LOC400499: variants seen among roughly 807,000 people sequenced by gnomAD.
At chr16:11,522,212 C>T in the LOC400499 span, 2,951 of 398,006 alleles carry the variant, frequency 7.4e-3, 24 homozygotes, top group Middle Eastern at 0.015. Context: ...CTCTCTCTCT[C>T]CATCTGGGCC....
the LOC400499 span, among the ~76,000 whole-genome samples, chr16:11,391,108 C>T: frequency 6.6e-6 from 1 of 152,254 alleles, no homozygotes; most frequent in Non-Finnish European, 1.5e-5. Context: ...GTCACAGGAA[C>T]ACTCTGGCAC....
chr16:11,501,786 G>A, the LOC400499 span, among the ~76,000 whole-genome samples: 2 of 152,130 alleles, frequency 1.3e-5, no homozygotes, highest in Admixed American at 6.5e-5. Context: ...ATTCCAGCAA[G>A]AGGGTCCCTG....
At chr16:11,476,619 C>T in the LOC400499 span, 1 of 396,220 alleles carries the variant, frequency 2.5e-6, no homozygotes, top group African/African-American at 2.1e-5. Flanking sequence ...ATGCTAATGT[C>T]ACATCCACAC....
At chr16:11,390,330 A>G in the LOC400499 span, 1 of 1,232,724 alleles carries the variant, frequency 8.1e-7, no homozygotes. Context: ...TGGGCCTTGG[A>G]CCCCCTTTGC....
chr16:11,387,188 A>G, the LOC400499 span: 1 of 1,232,228 alleles, frequency 8.1e-7, no homozygotes, highest in Non-Finnish European at 1.0e-6. Flanking sequence ...CAGCTCTCGG[A>G]GCGGCCGCAG....
chr16:11,457,260 G>C, the LOC400499 span: 1 of 528,792 alleles, frequency 1.9e-6, no homozygotes, highest in South Asian at 2.5e-5. Flanking sequence ...ATGTGAAATA[G>C]TGCAGCTACT....
At chr16:11,456,047 T>C in the LOC400499 span, among the ~76,000 whole-genome samples, 1 of 151,454 alleles carries the variant, frequency 6.6e-6, no homozygotes. Context: ...GATAAAATTT[T>C]TTTTTTTTTT....
chr16:11,389,605 A>G, the LOC400499 span, among the ~76,000 whole-genome samples: 1 of 144,704 alleles, frequency 6.9e-6, no homozygotes, highest in Admixed American at 7.8e-5. Context: ...GAATGACTTG[A>G]ACTCAGGAAG....
the LOC400499 span, among the ~76,000 whole-genome samples, chr16:11,495,825 G>C: frequency 6.6e-6 from 1 of 152,100 alleles, no homozygotes; most frequent in East Asian, 1.9e-4. Context: ...AAGGGTAAGG[G>C]ACGTGCCTCA....
chr16:11,397,804 A>T, the LOC400499 span, among the ~76,000 whole-genome samples: 1 of 148,242 alleles, frequency 6.7e-6, no homozygotes, highest in Non-Finnish European at 1.5e-5. Context: ...GGAGGGATGG[A>T]CGGACGGATG....
At chr16:11,404,918 G>C in the LOC400499 span, 6 of 398,652 alleles carry the variant, frequency 1.5e-5, no homozygotes, top group Non-Finnish European at 2.2e-5. Flanking sequence ...CTTCTGCCTG[G>C]GATGGGAAAG....
chr16:11,524,264 C>A, the LOC400499 span, among the ~76,000 whole-genome samples: 1 of 136,520 alleles, frequency 7.3e-6, no homozygotes. Context: ...CACTCACCCA[C>A]TCCCTCTCCT....
At chr16:11,402,190 G>C in the LOC400499 span, 1 of 399,108 alleles carries the variant, frequency 2.5e-6, no homozygotes, top group East Asian at 3.6e-5. Context: ...CAAAGGGTAG[G>C]GCACGTGAGC....
chr16:11,419,971 T>C, the LOC400499 span, among the ~76,000 whole-genome samples: 6 of 150,808 alleles, frequency 4.0e-5, no homozygotes, highest in African/African-American at 7.4e-5. Flanking sequence ...TGTGGAGAAA[T>C]AGGAACACTT....
At chr16:11,407,970 G>GTTTTTTTTTTTT in the LOC400499 span, among the ~76,000 whole-genome samples, 96 of 63,458 alleles carry the variant, frequency 1.5e-3, 5 homozygotes, top group African/African-American at 5.6e-3. Context: ...TTCCAGAGCT[G>GTTTTTTTTTTTT]TTTTTTTTTT....
chr16:11,385,335 A>T, the LOC400499 span: 2 of 1,232,288 alleles, frequency 1.6e-6, no homozygotes, highest in Non-Finnish European at 2.0e-6. Flanking sequence ...GGCCAGGAGG[A>T]TGCTGCCGCA....
At chr16:11,417,260 T>C in the LOC400499 span, among the ~76,000 whole-genome samples, 3 of 152,146 alleles carry the variant, frequency 2.0e-5, no homozygotes, top group African/African-American at 4.8e-5. Context: ...AGGGTCTCAT[T>C]CTGTCACCCA....
At chr16:11,488,030 T>C in the LOC400499 span, among the ~76,000 whole-genome samples, 1 of 151,378 alleles carries the variant, frequency 6.6e-6, no homozygotes, top group Non-Finnish European at 1.5e-5. Context: ...GGTAGAAGAA[T>C]CACTTGAACC....
chr16:11,445,996 TA>T, the LOC400499 span, among the ~76,000 whole-genome samples: 2 of 151,346 alleles, frequency 1.3e-5, no homozygotes, highest in East Asian at 4.0e-4. Flanking sequence ...ATCTAGTTTT[TA>T]TATTTTTAGT....
Sources: gnomAD v4.1 joint callset for allele counts (sites outside exome capture counted in the v4.1 genomes callset) on GRCh38, gnomAD v4.1.1 for gene constraint, MANE v1.5 for transcripts.